Variants in KLF15 observed in about 807,000 individuals in gnomAD.
The protein encoded by KLF15 is KLF transcription factor 15.
Under a neutral mutation model 24.6 loss-of-function variants are expected in KLF15, and 4 were observed. That is an observed-to-expected ratio of 0.16 (90% confidence interval 0.08 to 0.37). The LOEUF (loss-of-function observed/expected upper bound fraction) is 0.37, where lower values mean the gene tolerates loss of function less well. Among genes scored for constraint, KLF15 ranks in the 10% least tolerant of loss-of-function variants. The pLI, the probability that KLF15 is intolerant of heterozygous loss-of-function variation, is 1.00. For missense variants in KLF15, 496 were observed against 560.6 expected, an observed-to-expected ratio of 0.88 and a Z score of 1.16; for synonymous variants, 246 against 236.3, an observed-to-expected ratio of 1.04 and a Z score of -0.37.
At chr3:126,320,411 G>A in the KLF15 span, among the ~76,000 whole-genome samples, 1 of 152,214 alleles carries the variant, frequency 6.6e-6, no homozygotes, top group Admixed American at 6.5e-5. Context: ...ACATATATGT[G>A]AATGCCAGTG....
chr3:126,319,635 T>A, the KLF15 span, among the ~76,000 whole-genome samples: 3 of 152,260 alleles, frequency 2.0e-5, no homozygotes, highest in East Asian at 5.8e-4. Context: ...TTCTTATTGT[T>A]GCATTTTAAG....
the KLF15 span, among the ~76,000 whole-genome samples, chr3:126,314,754 C>T: frequency 5.3e-5 from 8 of 152,226 alleles, no homozygotes; most frequent in African/African-American, 1.7e-4. Context: ...TCTATGCCCC[C>T]ATATAGTAGT....
downstream of KLF15, among the ~76,000 whole-genome samples, chr3:126,341,037 G>C (rs2082475961): frequency 6.6e-6 from 1 of 152,200 alleles, no homozygotes; most frequent in Non-Finnish European, 1.5e-5. Flanking sequence ...ATCTAGAGAG[G>C]TCTAGGACAC....
downstream of KLF15, among the ~76,000 whole-genome samples, chr3:126,339,478 T>G (rs948418027): frequency 1.3e-5 from 2 of 152,154 alleles, no homozygotes; most frequent in African/African-American, 4.8e-5. Flanking sequence ...ATGTGCACTT[T>G]CCAGGAGTGT....
chr3:126,346,714 A>C (rs751692500), intron 2 of KLF15, among the ~76,000 whole-genome samples: 2 of 152,022 alleles, frequency 1.3e-5, no homozygotes, highest in African/African-American at 4.8e-5. Context: ...GAGCCCTCAG[A>C]AGACCCCCTG....
chr3:126,296,856 T>C, the KLF15 span, among the ~76,000 whole-genome samples: 4 of 152,398 alleles, frequency 2.6e-5, no homozygotes, highest in South Asian at 8.3e-4. Flanking sequence ...TTGTAAGAAT[T>C]ATGTATATAC....
At chr3:126,341,273 A>G (rs1391708188), downstream of KLF15, among the ~76,000 whole-genome samples, 1 of 152,186 alleles carries the variant, frequency 6.6e-6, no homozygotes, top group African/African-American at 2.4e-5. Flanking sequence ...CTGCCACAAG[A>G]CAACAGCAGG....
At chr3:126,345,283 C>T (rs906775997) in intron 2 of KLF15, among the ~76,000 whole-genome samples, 1 of 151,838 alleles carries the variant, frequency 6.6e-6, no homozygotes, top group African/African-American at 2.4e-5. Context: ...TGATGACTGT[C>T]AGTCTGTCCC....
downstream of KLF15, among the ~76,000 whole-genome samples, chr3:126,340,117 G>T (rs771989381): frequency 6.6e-6 from 1 of 152,232 alleles, no homozygotes; most frequent in Non-Finnish European, 1.5e-5. Context: ...CCCACTGTGG[G>T]CACAGCTGGG....
rs968025039 is a variant in KLF15 at position 126,351,829 on chromosome 3, C to T, written c.1082+12G>A. 11 of 1,607,652 alleles carry T rather than the reference C, an allele frequency of 6.8e-6. No homozygotes were observed. Among genetic ancestry groups the T allele is most frequent in the African/African-American group, 2.7e-5 (2 of 74,732 alleles). On this transcript the variant is annotated intron_variant, in intron 2 of 2. Coordinates refer to ENST00000296233, the MANE Select transcript of KLF15 (RefSeq NM_014079.4). ...GTGCTCACTGCCCAGGCCTGTCACT[C>T]GCTATACTGACCTCCAGCCGCAGCC...
chr3:126,300,120 C>T, the KLF15 span, among the ~76,000 whole-genome samples: 2 of 152,150 alleles, frequency 1.3e-5, no homozygotes, highest in African/African-American at 4.8e-5. Flanking sequence ...GCAACGGGGG[C>T]TCTGGGGACC....
chr3:126,324,700 G>A, the KLF15 span, among the ~76,000 whole-genome samples: 1 of 144,020 alleles, frequency 6.9e-6, no homozygotes, highest in Non-Finnish European at 1.5e-5. Flanking sequence ...GTCCTTCTCA[G>A]GCTATCACAT....
the KLF15 span, among the ~76,000 whole-genome samples, chr3:126,316,563 G>A: frequency 3.1e-4 from 46 of 146,144 alleles, no homozygotes; most frequent in East Asian, 8.0e-4. Context: ...GAGGGTACAC[G>A]GGCTGGAGTA....
the KLF15 span, among the ~76,000 whole-genome samples, chr3:126,306,141 C>G: frequency 6.6e-6 from 1 of 152,148 alleles, no homozygotes; most frequent in Admixed American, 6.5e-5. Flanking sequence ...ATGCATCGTA[C>G]TGAGGAGACA....
At chr3:126,322,073 G>C in the KLF15 span, among the ~76,000 whole-genome samples, 1 of 152,166 alleles carries the variant, frequency 6.6e-6, no homozygotes, top group Non-Finnish European at 1.5e-5. Flanking sequence ...CCTGGTCACC[G>C]ATTTTAGACT....
downstream of KLF15, among the ~76,000 whole-genome samples, chr3:126,342,283 G>A (rs2082485027): frequency 6.6e-6 from 1 of 152,190 alleles, no homozygotes; most frequent in Non-Finnish European, 1.5e-5. Context: ...TGGACTGGAT[G>A]GGGGTAGGAA....
chr3:126,343,073 C>G lies in KLF15; in HGVS notation c.*654G>C, dbSNP rs1306387319. 1 of 142,500 alleles carries G rather than the reference C, an allele frequency of 7.0e-6. No homozygotes were observed. Among genetic ancestry groups the G allele is most frequent in the African/African-American group, 2.6e-5 (1 of 38,492 alleles). The allele number at this position is 142,500 out of a possible 1,614,324, so 8.8% of individuals were successfully genotyped here. On this transcript the variant is annotated 3_prime_UTR_variant, in exon 3 of 3. Transcript: ENST00000296233. The stretch of plus-strand genomic sequence containing the variant: ...CTCTGTCTGCCCTGCACATTTAACT[C>G]AAGCACATGCACTGCCAGCCCCCTA...
At chr3:126,351,713 C>T (rs1036634693) in intron 2 of KLF15, 128 bp downstream of exon 2, 7 of 1,099,008 alleles carry the variant, frequency 6.4e-6, no homozygotes, top group Admixed American at 5.5e-5. Flanking sequence ...GGCCTGCACC[C>T]GCCTGCCCCT....
the KLF15 span, among the ~76,000 whole-genome samples, chr3:126,327,244 G>A: frequency 1.3e-4 from 20 of 152,304 alleles, no homozygotes; most frequent in African/African-American, 4.8e-4. Context: ...TAAGTGAGAA[G>A]TATAGCAGGC....
Sources: gnomAD v4.1 joint callset for allele counts (sites outside exome capture counted in the v4.1 genomes callset) on GRCh38, gnomAD v4.1.1 for gene constraint, MANE v1.5 for transcripts, NCBI Gene and HGNC (gene_info 2026-07-23, HGNC 2026-07-21) for gene names.